Variants in SHISA9 observed in about 807,000 individuals in gnomAD.
SHISA9 encodes the protein protein shisa-9.
In SHISA9, 13 loss-of-function variants were observed where a neutral mutation model predicts 38.0. The ratio of observed to expected loss-of-function variants is 0.34; its 90% CI spans 0.22 to 0.54. The LOEUF (loss-of-function observed/expected upper bound fraction) is 0.54. Among genes scored for constraint, SHISA9 ranks in the 20% least tolerant of loss-of-function variants. The pLI is 0.91. For synonymous variants in SHISA9, 275 were observed against 242.0 expected, an observed-to-expected ratio of 1.14 and a Z score of -1.27; for missense variants, 538 against 575.8, an observed-to-expected ratio of 0.93 and a Z score of 0.67.
chr16:12,929,609 G>A (rs182074325), intron 2 of SHISA9, among the ~76,000 whole-genome samples: 51 of 151,978 alleles, frequency 3.4e-4, no homozygotes, highest in African/African-American at 1.2e-3. Flanking sequence ...TGGACACAGG[G>A]AGGGGAACAA....
rs558745513 is a variant in SHISA9, at chr16:13,212,713, TG to T, written c.848-538del. Among the ~76,000 whole-genome samples the T allele has an allele frequency of 4.3e-4, 65 of 152,316 alleles. No individual in the cohort carries two copies. In the South Asian group the frequency reaches 0.013, roughly 32 times the overall value. ...AACACAGAATGTGTGTTAGGTACTGTGGTAAGGTAGCCCCCACCCCATGGGG... is the reference window on the plus strand; with the variant it reads ...AACACAGAATGTGTGTTAGGTACTGTGTAAGGTAGCCCCCACCCCATGGGG... On this transcript the variant is annotated intron_variant, in intron 3 of 4. Transcript: ENST00000558583.
chr16:13,262,216 G>A, the SHISA9 span, among the ~76,000 whole-genome samples: 1 of 152,190 alleles, frequency 6.6e-6, no homozygotes, highest in African/African-American at 2.4e-5. Flanking sequence ...AACCAGTCCT[G>A]ATATGCTCAG....
At chr16:12,994,322 G>A (rs1443110948) in intron 2 of SHISA9, among the ~76,000 whole-genome samples, 2 of 152,170 alleles carry the variant, frequency 1.3e-5, no homozygotes, top group Non-Finnish European at 2.9e-5. Context: ...GGTCACTGAG[G>A]CTGTCATTGT....
chr16:13,311,500 A>G, the SHISA9 span, among the ~76,000 whole-genome samples: 10 of 152,060 alleles, frequency 6.6e-5, no homozygotes, highest in Non-Finnish European at 1.5e-4. Context: ...AACTCCTGGG[A>G]GGGAAAAGAC....
intron 2 of SHISA9, among the ~76,000 whole-genome samples, chr16:13,067,495 C>G (rs1206431131): frequency 6.6e-6 from 1 of 152,248 alleles, no homozygotes; most frequent in Non-Finnish European, 1.5e-5. Context: ...TTGCTTCCTT[C>G]TATCTGTTCT....
At chr16:12,965,807 C>G (rs2071970251) in intron 2 of SHISA9, among the ~76,000 whole-genome samples, 1 of 152,116 alleles carries the variant, frequency 6.6e-6, no homozygotes, top group Non-Finnish European at 1.5e-5. Flanking sequence ...ACATCAGTAC[C>G]CAGCACATAG....
Position 13,240,095 on chromosome 16 carries a change from G to A in SHISA9, c.*4686G>A, listed in dbSNP as rs1208323063. 6.6e-6 allele frequency: 1 copy of A among 152,300 alleles called. No homozygotes were observed. Among genetic ancestry groups the A allele is most frequent in the Non-Finnish European group, 1.5e-5 (1 of 68,104 alleles). The allele number at this position is 152,300 out of a possible 1,614,324, so 9.4% of individuals were successfully genotyped here. A position where few individuals can be genotyped will look rare whatever the true frequency, so the allele number is the denominator to read the frequency against. ...CCCAGTTTCCAACCCAATGGGACCA[G>A]AGTCTGACTTCCCTTTGCCCTTTCA... On this transcript the variant is annotated 3_prime_UTR_variant, in exon 5 of 5. Transcript: ENST00000558583.
At chr16:13,094,267 A>T (rs888740612) in intron 2 of SHISA9, among the ~76,000 whole-genome samples, 1 of 152,188 alleles carries the variant, frequency 6.6e-6, no homozygotes, top group African/African-American at 2.4e-5. Flanking sequence ...AACAGTTGAC[A>T]AAACAGGCAA....
In SHISA9 at chr16:13,016,686, T is replaced by A. The variant is rs117499119; in HGVS notation, c.691+99871T>A. 6.6e-3 allele frequency among the ~76,000 whole-genome samples: 998 copies of A among 152,360 alleles called. 7 individuals carry two copies. The highest frequency in any genetic ancestry group is 0.02 in the Middle Eastern group (6 of 294). The stretch of plus-strand genomic sequence containing the variant: ...AGCACATTTTGTTTCATTTATTGAT[T>A]TATTTTTCTGGCCTATGACTATATT... On this transcript the variant is annotated intron_variant, in intron 2 of 4. Coordinates refer to ENST00000558583, the MANE Select transcript of SHISA9 (RefSeq NM_001145204.3).
At chr16:13,299,514 G>C in the SHISA9 span, among the ~76,000 whole-genome samples, 2 of 152,218 alleles carry the variant, frequency 1.3e-5, no homozygotes, top group South Asian at 2.1e-4. Context: ...AAGAGTTCGA[G>C]ACCAGCCTGG....
chr16:13,491,736 C>T, the SHISA9 span, among the ~76,000 whole-genome samples: 8 of 151,078 alleles, frequency 5.3e-5, no homozygotes, highest in South Asian at 2.1e-4. Flanking sequence ...GAGATCCACC[C>T]GCCTCGACCT....
chr16:13,550,473 A>G, the SHISA9 span, among the ~76,000 whole-genome samples: 1 of 152,198 alleles, frequency 6.6e-6, no homozygotes, highest in Non-Finnish European at 1.5e-5. Flanking sequence ...AAACTGTCCA[A>G]GTGGCAACTC....
chr16:13,247,523 C>A, the SHISA9 span, among the ~76,000 whole-genome samples: 1 of 152,058 alleles, frequency 6.6e-6, no homozygotes, highest in South Asian at 2.1e-4. Context: ...TTTCTAGCAC[C>A]CCACTTAACC....
chr16:13,436,648 T>A, the SHISA9 span, among the ~76,000 whole-genome samples: 11,075 of 152,320 alleles, frequency 0.073, 551 homozygotes, highest in South Asian at 0.19. Context: ...CTGGATTCTT[T>A]CTTGCATGAG....
At chr16:13,457,985 C>T in the SHISA9 span, among the ~76,000 whole-genome samples, 16 of 151,528 alleles carry the variant, frequency 1.1e-4, no homozygotes, top group African/African-American at 3.9e-4. Context: ...TCCTTCCTTC[C>T]TTTCTTCCTT....
intron 2 of SHISA9, among the ~76,000 whole-genome samples, chr16:13,146,352 G>A (rs1045540100): frequency 6.6e-6 from 1 of 152,124 alleles, no homozygotes; most frequent in Non-Finnish European, 1.5e-5. Context: ...TAGGTGCATA[G>A]CTTTTATTTT....
chr16:13,434,496 C>T, the SHISA9 span, among the ~76,000 whole-genome samples: 3 of 147,844 alleles, frequency 2.0e-5, no homozygotes, highest in African/African-American at 7.4e-5. Flanking sequence ...CGGCTCACTG[C>T]AAGCTCCGCC....
rs56109043 is a variant in SHISA9 at position 13,106,966 on chromosome 16, TTCTCTCTC to T, written c.692-96398_692-96391del. Among the ~76,000 whole-genome samples the T allele has an allele frequency of 5.6e-3, 814 of 145,134 alleles. 7 individuals are homozygous for T. Among genetic ancestry groups the T allele is most frequent in the South Asian group, 7.6e-3 (34 of 4,468 alleles). ...ATCAATAAACTTGCTCTTTCTCACG[TTCTCTCTC>T]TCTCTCTCTCTCTCTCTCTCTCTCT... is the stretch of plus-strand genomic sequence containing the variant. On this transcript the variant is annotated intron_variant, in intron 2 of 4. Transcript: ENST00000558583.
chr16:13,259,402 T>A, the SHISA9 span, among the ~76,000 whole-genome samples: 1 of 152,178 alleles, frequency 6.6e-6, no homozygotes, highest in Non-Finnish European at 1.5e-5. Context: ...GTGCAAGGTG[T>A]CAGTGGATCT....
Sources: gnomAD v4.1 joint callset for allele counts (sites outside exome capture counted in the v4.1 genomes callset) on GRCh38, gnomAD v4.1.1 for gene constraint, MANE v1.5 for transcripts, NCBI Gene and HGNC (gene_info 2026-07-23, HGNC 2026-07-21) for gene names.